The following CDH13 variants were observed in gnomAD, a reference collection of about 807,000 sequenced individuals.
The protein encoded by CDH13 is cadherin 13.
A neutral mutation model predicts 63.8 loss-of-function variants in CDH13; 24 were observed. The ratio of observed to expected loss-of-function variants is 0.38; its 90% CI spans 0.27 to 0.53. CDH13 has a LOEUF of 0.53. Ranked by LOEUF, CDH13 falls within the 20% of genes least tolerant of loss-of-function variation. The probability of loss-of-function intolerance (pLI) is 0.85; values close to 1 mark genes in which losing one functional copy is unlikely to be tolerated. For missense variants in CDH13, 1,049 were observed against 903.1 expected (o/e 1.16, Z -2.07); for synonymous variants, 503 against 355.3 (o/e 1.42, Z -4.67).
intron 8 of CDH13, among the ~76,000 whole-genome samples, chr16:83,656,416 C>T (rs1007441916): frequency 1.3e-5 from 2 of 152,106 alleles, no homozygotes; most frequent in African/African-American, 4.8e-5. Context: ...GAAGCAGATG[C>T]TGGCTGTGAC....
intron 3 of CDH13, among the ~76,000 whole-genome samples, chr16:83,056,485 T>G (rs1597238316): frequency 6.6e-6 from 1 of 151,986 alleles, no homozygotes; most frequent in East Asian, 1.9e-4. Flanking sequence ...GCAACTGTTA[T>G]TATGCTCAAA....
Position 83,234,210 on chromosome 16 carries a change from C to T in CDH13, c.636+16713C>T, listed in dbSNP as rs550465628. On this transcript the variant is annotated intron_variant, in intron 5 of 13. Transcript: ENST00000567109. ...TTTTCTTTCCAGAGTGGGAGTGCCC[C>T]AGTCTTTTGCAAATCTTCCTTTTCT... 1.2e-3 allele frequency among the ~76,000 whole-genome samples: 186 copies of T among 152,336 alleles called. 1 individual carries two copies. The Middle Eastern group carries it at 0.02, about 17-fold the overall frequency.
At chr16:83,454,175 A>G (rs2072960017) in intron 6 of CDH13, among the ~76,000 whole-genome samples, 1 of 152,242 alleles carries the variant, frequency 6.6e-6, no homozygotes, top group Admixed American at 6.5e-5. Context: ...TTAAGGGGTG[A>G]TGACTCACCT....
intron 5 of CDH13, among the ~76,000 whole-genome samples, chr16:83,246,549 C>T (rs1331452290): frequency 1.3e-5 from 2 of 152,012 alleles, no homozygotes; most frequent in South Asian, 4.1e-4. Context: ...CATTTTATTC[C>T]TTCTAGAATG....
chr16:83,071,622 C>A (rs1008198475), intron 3 of CDH13, among the ~76,000 whole-genome samples: 3 of 152,196 alleles, frequency 2.0e-5, no homozygotes, highest in African/African-American at 7.2e-5. Flanking sequence ...ACTAATAATT[C>A]ATGAAGTTGG....
intron 5 of CDH13, among the ~76,000 whole-genome samples, chr16:83,244,643 A>G (rs1368418424): frequency 6.6e-6 from 1 of 151,998 alleles, no homozygotes; most frequent in African/African-American, 2.4e-5. Context: ...TGGACTCTAC[A>G]TCTAGTTGCA....
intron 2 of CDH13, among the ~76,000 whole-genome samples, chr16:82,938,082 C>T (rs1261505094): frequency 6.6e-6 from 1 of 152,130 alleles, no homozygotes; most frequent in African/African-American, 2.4e-5. Flanking sequence ...AGCAACAACA[C>T]GCCAAAAAAC....
chr16:83,440,441 G>T (rs1446668097), intron 6 of CDH13, among the ~76,000 whole-genome samples: 1 of 152,126 alleles, frequency 6.6e-6, no homozygotes, highest in African/African-American at 2.4e-5. Context: ...AACTGAATCA[G>T]TCGTGGGGAG....
chr16:83,262,834 C>T (rs1907151682), intron 5 of CDH13, among the ~76,000 whole-genome samples: 1 of 152,028 alleles, frequency 6.6e-6, no homozygotes, highest in Non-Finnish European at 1.5e-5. Context: ...AAGCTTTCTC[C>T]CAACGCTTTT....
At chr16:83,693,953 G>C (rs1334064832) in intron 10 of CDH13, among the ~76,000 whole-genome samples, 3 of 151,852 alleles carry the variant, frequency 2.0e-5, no homozygotes, top group Non-Finnish European at 4.4e-5. Context: ...AGAGGAGACT[G>C]TTCCTGTGAG....
chr16:83,501,921 G>C lies in CDH13; in HGVS notation c.960+15266G>C, dbSNP rs78779185. Among the ~76,000 whole-genome samples the C allele has an allele frequency of 8.6e-3, 1,316 of 152,294 alleles. 5 individuals are homozygous for C. Among genetic ancestry groups the C allele is most frequent in the Non-Finnish European group, 0.015 (1,003 of 68,030 alleles). On this transcript the variant is annotated intron_variant, in intron 7 of 13. Coordinates refer to ENST00000567109, the MANE Select transcript of CDH13 (RefSeq NM_001257.5). ...TTTCCCTCAGCTCTTCCATTAGAAA[G>C]CCCATGTGGTACAGTGGCTCAGAGC... is the stretch of plus-strand genomic sequence containing the variant.
chr16:83,630,137 C>T (rs1341285444), intron 8 of CDH13, among the ~76,000 whole-genome samples: 1 of 150,974 alleles, frequency 6.6e-6, no homozygotes, highest in African/African-American at 2.4e-5. Context: ...TACATCCCTG[C>T]ACCACCATTT....
At chr16:83,340,336 A>G (rs2090694370) in intron 5 of CDH13, among the ~76,000 whole-genome samples, 1 of 139,212 alleles carries the variant, frequency 7.2e-6, no homozygotes, top group South Asian at 2.4e-4. Context: ...GTATGTGCGC[A>G]TGTGCGTGCT....
At chr16:83,744,179 C>G (rs933537691) in intron 10 of CDH13, among the ~76,000 whole-genome samples, 3 of 152,150 alleles carry the variant, frequency 2.0e-5, no homozygotes, top group Admixed American at 2.0e-4. Context: ...TATCCTGACA[C>G]CAAGGAGCTT....
At chr16:83,792,880 G>C (rs759689265) in intron 13 of CDH13, among the ~76,000 whole-genome samples, 10 of 152,198 alleles carry the variant, frequency 6.6e-5, no homozygotes, top group Admixed American at 5.2e-4. Flanking sequence ...TGGGGTATAA[G>C]TGTAATCATT....
chr16:82,729,923 G>A (rs540673673), intron 1 of CDH13, among the ~76,000 whole-genome samples: 7 of 152,302 alleles, frequency 4.6e-5, no homozygotes, highest in Admixed American at 1.3e-4. Context: ...ATGTTATGAA[G>A]AAAGCTTTCT....
chr16:83,089,748 G>C (rs897776296), intron 3 of CDH13, among the ~76,000 whole-genome samples: 1 of 152,192 alleles, frequency 6.6e-6, no homozygotes, highest in Non-Finnish European at 1.5e-5. Context: ...GCTACACGTC[G>C]GAAATGGGAT....
intron 6 of CDH13, among the ~76,000 whole-genome samples, chr16:83,359,146 G>A (rs1445400711): frequency 6.6e-5 from 10 of 152,120 alleles, no homozygotes; most frequent in Admixed American, 6.6e-4. Context: ...TCATCAGGGA[G>A]ATCAATGTAT....
At chr16:83,353,181 G>A (rs2151377484) in intron 6 of CDH13, among the ~76,000 whole-genome samples, 1 of 152,358 alleles carries the variant, frequency 6.6e-6, no homozygotes, top group South Asian at 2.1e-4. Flanking sequence ...TCTGCCACAT[G>A]TCCGTGTAAC....
Sources: gnomAD v4.1 joint callset for allele counts (sites outside exome capture counted in the v4.1 genomes callset) on GRCh38, gnomAD v4.1.1 for gene constraint, MANE v1.5 for transcripts, NCBI Gene and HGNC (gene_info 2026-07-23, HGNC 2026-07-21) for gene names.